ADCK1: variants seen among roughly 807,000 people sequenced by gnomAD.
ADCK1 encodes the protein aarF domain containing kinase 1.
ADCK1 carries 41 observed loss-of-function variants against 52.3 expected under a neutral mutation model. The observed-to-expected ratio is 0.78, with a 90% CI of 0.61 to 1.02. The LOEUF is 1.02. Among genes scored for constraint, ADCK1 ranks in the 50% least tolerant of loss-of-function variants. The probability of loss-of-function intolerance (pLI) is 0.00; values close to 1 mark genes in which losing one functional copy is unlikely to be tolerated. For missense variants in ADCK1, 658 were observed against 679.5 expected, an observed-to-expected ratio of 0.97 and a Z score of 0.35; for synonymous variants, 250 against 274.6, an observed-to-expected ratio of 0.91 and a Z score of 0.89.
chr14:77,920,473 C>A (rs2084023812), intron 7 of ADCK1, among the ~76,000 whole-genome samples: 1 of 151,984 alleles, frequency 6.6e-6, no homozygotes, highest in South Asian at 2.1e-4. Context: ...ATTTTTATAC[C>A]AGTACCATGC....
At chr14:77,850,357 TTCTA>T (rs2082256517) in intron 3 of ADCK1, among the ~76,000 whole-genome samples, 1 of 152,348 alleles carries the variant, frequency 6.6e-6, no homozygotes, top group East Asian at 1.9e-4. Flanking sequence ...CTAACTCATT[TTCTA>T]TCTATTTGTT....
chr14:77,869,312 C>T (rs1220309498), intron 4 of ADCK1, among the ~76,000 whole-genome samples: 1 of 152,154 alleles, frequency 6.6e-6, no homozygotes, highest in African/African-American at 2.4e-5. Context: ...GGCCTCGGCC[C>T]TAGCTTCTGG....
chr14:77,822,368 G>T, intron 2 of ADCK1, 67 bp from the exon 3 acceptor site: 2 of 1,335,352 alleles, frequency 1.5e-6, no homozygotes, highest in Non-Finnish European at 2.2e-6. Context: ...TGTACTGCAA[G>T]GTTTGGGCAG....
At position 77,913,678 on chromosome 14, in the gene ADCK1, A is replaced by G. The variant is rs549799090; in HGVS notation, c.858+5759A>G. On this transcript the variant is annotated intron_variant, in intron 7 of 10. Coordinates refer to ENST00000238561, the MANE Select transcript of ADCK1 (RefSeq NM_020421.4). ...AAGATCCTGCCGAGGCTGAGGTTCA[A>G]TGTAATTTGTGTGAAATTAGCCAAG... Among the ~76,000 whole-genome samples the G allele has an allele frequency of 5.3e-5, 8 of 152,348 alleles. No individual in the cohort carries two copies. The South Asian group carries it at 1.0e-3, about 20-fold the overall frequency.
chr14:77,904,286 G>A (rs949100183), intron 6 of ADCK1, among the ~76,000 whole-genome samples: 1 of 152,228 alleles, frequency 6.6e-6, no homozygotes, highest in Admixed American at 6.5e-5. Context: ...CGGAGGTGGG[G>A]TTGTGCTTCC....
rs2084413434 is a variant in ADCK1 at position 77,934,702 on chromosome 14, A to G, written c.*1311A>G. On this transcript the variant is annotated 3_prime_UTR_variant, in exon 11 of 11. Transcript: ENST00000238561. The stretch of plus-strand genomic sequence containing the variant: ...CCTACTGTCTGCTTTCACGGACAGT[A>G]ATTGTATTTGAGCCTCTCTGATCTT... The G allele has an allele frequency of 6.6e-6, 1 of 152,172 alleles. No homozygotes were observed. The highest frequency in any genetic ancestry group is 2.1e-4 in the South Asian group (1 of 4,830). The allele number at this position is 152,172 out of a possible 1,614,324, so 9.4% of individuals were successfully genotyped here.
chr14:77,887,346 T>C, intron 5 of ADCK1, 97 bp downstream of exon 5: 1 of 1,350,314 alleles, frequency 7.4e-7, no homozygotes, highest in Non-Finnish European at 9.7e-7. Context: ...GTGAGTGGAG[T>C]GTGGCCCTTC....
chr14:77,874,009 A>G (rs1333399803), intron 4 of ADCK1, among the ~76,000 whole-genome samples: 1 of 152,196 alleles, frequency 6.6e-6, no homozygotes, highest in East Asian at 1.9e-4. Context: ...ACAAGTGAGG[A>G]ACTAATACCC....
chr14:77,929,052 T>C (rs899521525), intron 9 of ADCK1, among the ~76,000 whole-genome samples: 60 of 152,302 alleles, frequency 3.9e-4, no homozygotes, highest in Non-Finnish European at 2.4e-4. Context: ...TTGTGAATGT[T>C]CTGGAGACAC....
Position 77,923,928 on chromosome 14 carries a change from T to G in ADCK1, c.859-529T>G, listed in dbSNP as rs1296711544. The G allele has an allele frequency of 6.5e-6, 1 of 153,112 alleles. No individual in the cohort carries two copies. The highest frequency in any genetic ancestry group is 1.9e-4 in the East Asian group (1 of 5,192). The allele number at this position is 153,112 out of a possible 1,614,324, so 9.5% of individuals were successfully genotyped here. ...GGGAGAGGGGAGGCGGGCCTGTGAC[T>G]CTGGGTCCACCTAGCACAGGCCTGG... On this transcript the variant is annotated intron_variant, in intron 7 of 10. Transcript: ENST00000238561. The surrounding 1 kb of genome is among the most constrained non-coding windows in gnomAD (Gnocchi z 4.3).
At chr14:77,844,292 AG>A (rs2082132083) in intron 3 of ADCK1, among the ~76,000 whole-genome samples, 1 of 152,150 alleles carries the variant, frequency 6.6e-6, no homozygotes, top group South Asian at 2.1e-4. Flanking sequence ...CATGTTGGCC[AG>A]GATGATCTTG....
intron 3 of ADCK1, among the ~76,000 whole-genome samples, chr14:77,854,497 A>T (rs558149679): frequency 2.0e-5 from 3 of 150,288 alleles, no homozygotes; most frequent in Non-Finnish European, 4.4e-5. Context: ...CATTGGAGGG[A>T]CCGCTCCTCC....
intron 6 of ADCK1, chr14:77,900,454 G>T (rs2083509676): frequency 2.8e-6 from 1 of 355,142 alleles, no homozygotes; most frequent in South Asian, 2.2e-5. Flanking sequence ...GGGCATGGTG[G>T]TGCACTCCTG....
chr14:77,811,340 A>T (rs986564325), intron 1 of ADCK1, among the ~76,000 whole-genome samples: 3 of 152,140 alleles, frequency 2.0e-5, no homozygotes, highest in Admixed American at 6.6e-5. Flanking sequence ...CCACCACTCC[A>T]TCAAGCAGGT....
intron 3 of ADCK1, among the ~76,000 whole-genome samples, chr14:77,830,313 C>T (rs1230856749): frequency 6.6e-6 from 1 of 151,092 alleles, no homozygotes; most frequent in Non-Finnish European, 1.5e-5. Context: ...GCCACCACAC[C>T]CAAGTAATTT....
chr14:77,834,592 A>G (rs1027364061), intron 3 of ADCK1, among the ~76,000 whole-genome samples: 3 of 152,250 alleles, frequency 2.0e-5, no homozygotes, highest in Non-Finnish European at 4.4e-5. Flanking sequence ...GGCCACAGCT[A>G]TAATGAAACA....
intron 5 of ADCK1, among the ~76,000 whole-genome samples, chr14:77,896,531 G>A (rs1451501768): frequency 1.3e-5 from 2 of 152,242 alleles, no homozygotes; most frequent in Non-Finnish European, 2.9e-5. Context: ...TGGAATTCAG[G>A]TGACTTAGAT....
chr14:77,920,777 G>A (rs1372044319), intron 7 of ADCK1, among the ~76,000 whole-genome samples: 1 of 152,046 alleles, frequency 6.6e-6, no homozygotes, highest in African/African-American at 2.4e-5. Context: ...GCCACCCAAA[G>A]TAGATAGAAC....
At chr14:77,881,631 G>C (rs1450803595) in intron 4 of ADCK1, among the ~76,000 whole-genome samples, 1 of 152,164 alleles carries the variant, frequency 6.6e-6, no homozygotes, top group Non-Finnish European at 1.5e-5. Context: ...TTAGGACACT[G>C]CAGTGGTTTC....
Sources: allele counts gnomAD v4.1 joint callset (sites outside exome capture counted in the v4.1 genomes callset), GRCh38; gene constraint gnomAD v4.1.1; non-coding constraint Gnocchi (gnomAD v3.1); transcripts MANE v1.5; gene names NCBI Gene and HGNC (gene_info 2026-07-23, HGNC 2026-07-21).